DCDC2: variants seen among roughly 807,000 people sequenced by gnomAD.
DCDC2 encodes doublecortin domain-containing protein 2.
A neutral mutation model predicts 50.2 loss-of-function variants in DCDC2; 40 were observed. The ratio of observed to expected loss-of-function variants is 0.80; its 90% confidence interval spans 0.62 to 1.04. The LOEUF (loss-of-function observed/expected upper bound fraction) is 1.04, where lower values mean the gene tolerates loss of function less well. Ranked by LOEUF, DCDC2 falls within the 50% of genes least tolerant of loss-of-function variation. DCDC2 has a pLI of 0.00. For synonymous variants in DCDC2, 234 were observed against 210.6 expected (o/e 1.11, Z -0.96); for missense variants, 570 against 581.9 (o/e 0.98, Z 0.21).
chr6:24,324,894 CAAAGAAAGACAGA>C (rs1449177176), intron 2 of DCDC2, among the ~76,000 whole-genome samples: 23 of 145,036 alleles, frequency 1.6e-4, no homozygotes, highest in African/African-American at 5.3e-4. Context: ...AAAAAAAAAA[CAAAGAAAGACAGA>C]AAAGAAAGAA....
rs184640445 is a variant in DCDC2 at position 24,272,163 on chromosome 6, A to C, written c.922+5886T>G. On this transcript the variant is annotated intron_variant, in intron 7 of 9. Coordinates refer to ENST00000378454, the MANE Select transcript of DCDC2 (RefSeq NM_016356.5). ...TCTTACTAGTATTCAGCCCACTTTTAATTTTTCAGTCTCTCAGTACTAAAG... is the reference window on the plus strand; with the variant it reads ...TCTTACTAGTATTCAGCCCACTTTTCATTTTTCAGTCTCTCAGTACTAAAG... 4.3e-3 allele frequency among the ~76,000 whole-genome samples: 661 copies of C among 152,314 alleles called. 3 individuals are homozygous for C. Among genetic ancestry groups the C allele is most frequent in the African/African-American group, 0.015 (611 of 41,576 alleles).
intron 4 of DCDC2, among the ~76,000 whole-genome samples, chr6:24,294,193 C>CA (rs1763812224): frequency 6.6e-6 from 1 of 151,904 alleles, no homozygotes; most frequent in Non-Finnish European, 1.5e-5. Flanking sequence ...CCCGTCTCTA[C>CA]AAAAAATACA....
chr6:24,259,362 T>A lies in DCDC2; in HGVS notation c.922+18687A>T, dbSNP rs544825230. Among the ~76,000 whole-genome samples the A allele has an allele frequency of 7.9e-5, 12 of 152,314 alleles. No homozygotes were observed. In the East Asian group the frequency reaches 2.3e-3, roughly 29 times the overall value. Reference sequence around the variant, plus strand: ...TTACGAAAAATGAAAGTTTTGTTGTTTACTAAGTGATGGTCTTTAGAGTAA... The same window carrying A: ...TTACGAAAAATGAAAGTTTTGTTGTATACTAAGTGATGGTCTTTAGAGTAA... On this transcript the variant is annotated intron_variant, in intron 7 of 9. Coordinates refer to ENST00000378454, the MANE Select transcript of DCDC2 (RefSeq NM_016356.5).
chr6:24,309,243 T>G (rs1175273977), intron 2 of DCDC2, among the ~76,000 whole-genome samples: 6 of 151,236 alleles, frequency 4.0e-5, no homozygotes, highest in African/African-American at 1.5e-4. Context: ...GAGAATCACT[T>G]GAACTCAGGA....
intron 7 of DCDC2, among the ~76,000 whole-genome samples, chr6:24,266,804 G>A (rs1763131694): frequency 6.6e-6 from 1 of 152,154 alleles, no homozygotes; most frequent in African/African-American, 2.4e-5. Context: ...CCCACTGCTA[G>A]GGATATACCC....
the DCDC2 span, among the ~76,000 whole-genome samples, chr6:24,382,801 T>C: frequency 6.6e-6 from 1 of 152,182 alleles, no homozygotes; most frequent in Admixed American, 6.5e-5. Flanking sequence ...ATACCAACAA[T>C]TGTGTTTAGA....
At chr6:24,367,732 T>C in the DCDC2 span, among the ~76,000 whole-genome samples, 2 of 151,728 alleles carry the variant, frequency 1.3e-5, no homozygotes, top group Admixed American at 6.6e-5. Flanking sequence ...AATCTCCATA[T>C]ATAATGTTCC....
chr6:24,383,044 A>C, the DCDC2 span, among the ~76,000 whole-genome samples: 1 of 152,064 alleles, frequency 6.6e-6, no homozygotes, highest in African/African-American at 2.4e-5. Context: ...ACTACCCCCT[A>C]GGCTGGGCAT....
chr6:24,272,042 C>T (rs970319529), intron 7 of DCDC2, among the ~76,000 whole-genome samples: 1 of 152,094 alleles, frequency 6.6e-6, no homozygotes, highest in Admixed American at 6.5e-5. Context: ...TGGCTTCTCT[C>T]TATATAGTGA....
At chr6:24,282,639 C>A (rs958366404) in intron 6 of DCDC2, among the ~76,000 whole-genome samples, 1 of 152,096 alleles carries the variant, frequency 6.6e-6, no homozygotes, top group Admixed American at 6.5e-5. Flanking sequence ...CATTTCCAGT[C>A]CCCATGAAAA....
At chr6:24,247,446 C>T (rs759689302) in intron 7 of DCDC2, among the ~76,000 whole-genome samples, 14 of 151,996 alleles carry the variant, frequency 9.2e-5, no homozygotes, top group Non-Finnish European at 1.5e-4. Context: ...GGCTTTTCAA[C>T]ATGTAATTGT....
the DCDC2 span, among the ~76,000 whole-genome samples, chr6:24,371,189 A>C: frequency 2.6e-4 from 39 of 150,542 alleles, no homozygotes; most frequent in African/African-American, 8.5e-4. Context: ...AGGCGGGAGA[A>C]TCGTGTGAAC....
intron 8 of DCDC2, among the ~76,000 whole-genome samples, chr6:24,184,226 G>T (rs576246134): frequency 6.6e-6 from 1 of 152,174 alleles, no homozygotes; most frequent in South Asian, 2.1e-4. Context: ...ACTTTCAATG[G>T]CCAGAACATA....
Position 24,326,370 on chromosome 6 carries a change from A to G in DCDC2, c.349-24326T>C, listed in dbSNP as rs531631115. Among the ~76,000 whole-genome samples, 36 of 149,208 alleles carry G rather than the reference A, an allele frequency of 2.4e-4. 2 individuals are homozygous for G. The highest frequency in any genetic ancestry group is 4.8e-4 in the Non-Finnish European group (32 of 67,080). ...CAATAGAAGGACCCCCCCATGCCCT[A>G]GAGCTCCCTGGATAGTAGAAAATTA... On this transcript the variant is annotated intron_variant, in intron 2 of 9. Coordinates refer to ENST00000378454, the MANE Select transcript of DCDC2 (RefSeq NM_016356.5).
At chr6:24,372,192 C>T in the DCDC2 span, among the ~76,000 whole-genome samples, 270 of 152,182 alleles carry the variant, frequency 1.8e-3, 2 homozygotes, top group Admixed American at 5.9e-3. Context: ...GAGGCCGAGG[C>T]GGGTGGATCA....
At chr6:24,300,704 AAC>A (rs1468160372) in intron 4 of DCDC2, among the ~76,000 whole-genome samples, 1 of 152,226 alleles carries the variant, frequency 6.6e-6, no homozygotes, top group Non-Finnish European at 1.5e-5. Flanking sequence ...TGTGTATGAA[AAC>A]ACAAACACTT....
chr6:24,222,324 A>G (rs1472492594), intron 7 of DCDC2, among the ~76,000 whole-genome samples: 4 of 152,260 alleles, frequency 2.6e-5, no homozygotes, highest in Non-Finnish European at 5.9e-5. Flanking sequence ...AGAACAGTCA[A>G]GAACTTTACC....
intron 2 of DCDC2, among the ~76,000 whole-genome samples, chr6:24,328,746 T>C (rs1460227452): frequency 6.6e-6 from 1 of 152,226 alleles, no homozygotes; most frequent in Non-Finnish European, 1.5e-5. Context: ...ATTAATTGCA[T>C]GCCCCTTGAA....
At chr6:24,293,394 C>A (rs1028114157) in intron 4 of DCDC2, among the ~76,000 whole-genome samples, 1 of 152,082 alleles carries the variant, frequency 6.6e-6, no homozygotes, top group African/African-American at 2.4e-5. Flanking sequence ...GAGGGGCCAA[C>A]CATAAGATTT....
Sources: allele counts gnomAD v4.1 joint callset (sites outside exome capture counted in the v4.1 genomes callset), GRCh38; gene constraint gnomAD v4.1.1; transcripts MANE v1.5; gene names NCBI Gene and HGNC (gene_info 2026-07-23, HGNC 2026-07-21).